Variants in KIFAP3 observed in about 807,000 individuals in gnomAD.
The protein encoded by KIFAP3 is kinesin-associated protein 3.
A neutral mutation model predicts 106.5 loss-of-function variants in KIFAP3; 68 were observed. That is an observed-to-expected ratio of 0.64 (90% CI 0.53 to 0.78). KIFAP3 has a LOEUF of 0.78. KIFAP3 is among the 30% of genes least tolerant of loss of function. The pLI, the probability that KIFAP3 is intolerant of heterozygous loss-of-function variation, is 0.00. For missense variants in KIFAP3, 780 were observed against 941.8 expected (o/e 0.83, Z 2.25); for synonymous variants, 320 against 311.5 (o/e 1.03, Z -0.29).
chr1:169,957,145 T>A (rs192926018), intron 18 of KIFAP3, among the ~76,000 whole-genome samples: 33 of 152,332 alleles, frequency 2.2e-4, no homozygotes, highest in African/African-American at 7.7e-4. Context: ...AAAAGAATCA[T>A]AGCTTCTTAT....
At chr1:169,948,140 C>A (rs1664538788) in intron 19 of KIFAP3, among the ~76,000 whole-genome samples, 2 of 151,586 alleles carry the variant, frequency 1.3e-5, no homozygotes, top group Admixed American at 1.3e-4. Context: ...AGGAAGTAAA[C>A]AATCTAAGGC....
At chr1:170,068,937 G>T (rs1263615904) in intron 1 of KIFAP3, 1 of 151,752 alleles carries the variant, frequency 6.6e-6, no homozygotes, top group Non-Finnish European at 1.5e-5. Flanking sequence ...GAAACCAAAG[G>T]TTAGTTCTTT....
chr1:170,036,109 T>C (rs1337363343), intron 5 of KIFAP3, among the ~76,000 whole-genome samples: 1 of 152,000 alleles, frequency 6.6e-6, no homozygotes, highest in East Asian at 1.9e-4. Flanking sequence ...AACAAAAAGC[T>C]TTCACAAAAT....
chr1:169,983,927 C>T (rs774231396), intron 12 of KIFAP3, among the ~76,000 whole-genome samples: 2 of 151,664 alleles, frequency 1.3e-5, no homozygotes, highest in African/African-American at 4.8e-5. Flanking sequence ...CTTTAATAGA[C>T]AATTTTGCAG....
At chr1:170,060,751 T>C (rs143258544) in intron 1 of KIFAP3, among the ~76,000 whole-genome samples, 9,669 of 152,120 alleles carry the variant, frequency 0.064, 391 homozygotes, top group Non-Finnish European at 0.095. Flanking sequence ...CACTACCTGA[T>C]TTTAAACTAT....
At chr1:169,995,296 GT>G (rs1309982641) in intron 10 of KIFAP3, among the ~76,000 whole-genome samples, 6 of 152,106 alleles carry the variant, frequency 3.9e-5, no homozygotes, top group African/African-American at 1.2e-4. Context: ...GAATCCCTTA[GT>G]CTTGGTCTGA....
intron 19 of KIFAP3, among the ~76,000 whole-genome samples, chr1:169,934,167 A>C (rs1035843100): frequency 2.6e-5 from 4 of 152,158 alleles, no homozygotes; most frequent in Admixed American, 1.3e-4. Context: ...GGCATGCTTC[A>C]TACACATGCT....
At chr1:169,978,027 A>T in intron 16 of KIFAP3, 58 bp downstream of exon 16, 3 of 1,054,438 alleles carry the variant, frequency 2.8e-6, no homozygotes, top group African/African-American at 1.6e-5. Context: ...CAACTCAAAG[A>T]TGCATCTTTT....
At chr1:170,044,730 G>A (rs1670155793) in intron 3 of KIFAP3, among the ~76,000 whole-genome samples, 1 of 152,098 alleles carries the variant, frequency 6.6e-6, no homozygotes, top group South Asian at 2.1e-4. Context: ...CCCCAGGACT[G>A]ACTCTGAAAC....
intron 10 of KIFAP3, among the ~76,000 whole-genome samples, chr1:170,001,028 A>G (rs1667642037): frequency 6.6e-6 from 1 of 152,118 alleles, no homozygotes; most frequent in Non-Finnish European, 1.5e-5. Context: ...TAGTCACTAA[A>G]TGAGTACTCT....
chr1:169,967,190 T>C (rs1372175233), intron 17 of KIFAP3, among the ~76,000 whole-genome samples: 1 of 151,886 alleles, frequency 6.6e-6, no homozygotes, highest in African/African-American at 2.4e-5. Context: ...ACCTGTTTTA[T>C]TAAAGGGTCA....
In KIFAP3 at chr1:170,027,339, A is replaced by T. The variant is rs1669169600; in HGVS notation, c.842-2743T>A. On this transcript the variant is annotated intron_variant, in intron 8 of 19. Coordinates refer to ENST00000361580, the MANE Select transcript of KIFAP3 (RefSeq NM_014970.4). ...CTGACCCTGTCTTGCTTCTAATCAA[A>T]GATTTTCAGTCATACAAGAAGCAGG... Among the ~76,000 whole-genome samples the T allele has an allele frequency of 2.0e-5, 3 of 152,112 alleles. No individual in the cohort carries two copies. The South Asian group carries it at 6.2e-4, about 32-fold the overall frequency.
chr1:169,969,009 C>A (rs1354345448), intron 17 of KIFAP3, among the ~76,000 whole-genome samples: 1 of 151,754 alleles, frequency 6.6e-6, no homozygotes, highest in Non-Finnish European at 1.5e-5. Context: ...CTCATTAAAC[C>A]CAATTAGAGT....
chr1:170,074,380 G>A (rs12047605), intron 1 of KIFAP3, 56 bp downstream of exon 1: 65 of 1,598,852 alleles, frequency 4.1e-5, no homozygotes, highest in Non-Finnish European at 5.2e-5. Flanking sequence ...GCCAACCCAA[G>A]AACATCTTCA....
rs749536188 is a variant in KIFAP3 at position 170,039,265 on chromosome 1, G to A, written c.343C>T (p.Pro115Ser). 6.3e-7 allele frequency: 1 copy of A among 1,599,580 alleles called. No individual in the cohort carries two copies. ...CCTTCAAAAGGAGGTGGATCTTTAG[G>A]CTTGCTTGATTTTTCTTTTTTCTCT... is the stretch of plus-strand genomic sequence containing the variant. ...GKEKKEKSSK[P>S]KDPPPFEGME... Residue 115 changes from proline (P) to serine (S), a missense_variant, in exon 4 of 20, where the codon CCT becomes TCT. By Grantham distance (74) the Pro-to-Ser change is moderately conservative. Transcript: ENST00000361580.
chr1:169,924,111 T>G (rs1473798784), intron 19 of KIFAP3, among the ~76,000 whole-genome samples: 2 of 152,242 alleles, frequency 1.3e-5, no homozygotes, highest in Admixed American at 1.3e-4. Flanking sequence ...GTTATAACTT[T>G]CATTGTACAT....
chr1:170,083,185 A>C (rs1378165299), intron 1 of KIFAP3, among the ~76,000 whole-genome samples: 1 of 152,172 alleles, frequency 6.6e-6, no homozygotes, highest in Non-Finnish European at 1.5e-5. Flanking sequence ...ACTGGAAAAC[A>C]TCCTGAGTTA....
At chr1:169,981,882 A>ATT in intron 15 of KIFAP3, 90 bp downstream of exon 15, 1 of 1,080,602 alleles carries the variant, frequency 9.3e-7, no homozygotes, top group Non-Finnish European at 1.3e-6. Context: ...TAATGAGAAA[A>ATT]ACAGATTACA....
rs1245873528 is a variant in KIFAP3, at chr1:169,983,394, A to G, written c.1394-12T>C. On this transcript the variant is annotated splice_polypyrimidine_tract_variant and intron_variant, in intron 12 of 19. Transcript: ENST00000361580. ...CTTCAGCCCATTTCCTGAAACAGAA[A>G]AGTCCCCCAATAAAATTAAGGTTAG... 2 of 1,547,772 alleles carry G rather than the reference A, an allele frequency of 1.3e-6. No individual in the cohort carries two copies. The highest frequency in any genetic ancestry group is 3.4e-4 in the Middle Eastern group (2 of 5,942).
Sources: gnomAD v4.1 joint callset for allele counts (sites outside exome capture counted in the v4.1 genomes callset) on GRCh38, gnomAD v4.1.1 for gene constraint, MANE v1.5 for transcripts, NCBI Gene and HGNC (gene_info 2026-07-23, HGNC 2026-07-21) for gene names.